ARID1B: variants seen among roughly 807,000 people sequenced by gnomAD.
ARID1B encodes AT-rich interaction domain 1B, also known as AT-rich interactive domain-containing protein 1B.
Under a neutral mutation model 212.3 loss-of-function variants are expected in ARID1B, and 30 were observed. That is an observed-to-expected ratio of 0.14 (90% CI 0.11 to 0.19). The LOEUF is 0.19. Among genes scored for constraint, ARID1B ranks in the 10% least tolerant of loss-of-function variants. The pLI is 1.00. For missense variants in ARID1B, 2,891 were observed against 3,204.0 expected, an observed-to-expected ratio of 0.90 and a Z score of 2.36; for synonymous variants, 1,402 against 1,301.7, an observed-to-expected ratio of 1.08 and a Z score of -1.66.
intron 1 of ARID1B, among the ~76,000 whole-genome samples, chr6:156,804,393 G>A (rs1302210333): frequency 6.6e-6 from 1 of 151,948 alleles, no homozygotes; most frequent in African/African-American, 2.4e-5. Context: ...ATAATTAGGG[G>A]CCAGATCATA....
At chr6:156,978,173 A>G (rs1483880838) in intron 4 of ARID1B, among the ~76,000 whole-genome samples, 1 of 152,156 alleles carries the variant, frequency 6.6e-6, no homozygotes, top group East Asian at 1.9e-4. Flanking sequence ...CCCTGAAAAC[A>G]CCATCCTCTT....
At chr6:157,138,227 G>A (rs1356456720) in intron 7 of ARID1B, among the ~76,000 whole-genome samples, 1 of 151,752 alleles carries the variant, frequency 6.6e-6, no homozygotes, top group Non-Finnish European at 1.5e-5. Context: ...TTGGTTGGTT[G>A]GTTGGTTGGT....
rs951144458 is a variant in ARID1B at position 157,190,339 on chromosome 6, C to G, written c.4231+129C>G. The G allele has an allele frequency of 1.8e-6, 2 of 1,114,118 alleles. No homozygotes were observed. Among genetic ancestry groups the G allele is most frequent in the African/African-American group, 3.1e-5 (2 of 63,640 alleles). The allele number at this position is 1,114,118 out of a possible 1,614,324, so 69.0% of individuals were successfully genotyped here. A position where few individuals can be genotyped will look rare whatever the true frequency, so the allele number is the denominator to read the frequency against. On this transcript the variant is annotated intron_variant, in intron 15 of 19. Transcript: ENST00000636930. The surrounding 1 kb of genome is among the most constrained non-coding windows in gnomAD (Gnocchi z 4.6). Reference sequence around the variant, plus strand: ...CTGCATCGGTGTGGGTCCCAGGTCCCCATCCTACTCCACTTGTGGCCTTGG... The same window carrying G: ...CTGCATCGGTGTGGGTCCCAGGTCCGCATCCTACTCCACTTGTGGCCTTGG...
intron 12 of ARID1B, 87 bp from the exon 13 acceptor site, chr6:157,184,144 A>C: frequency 8.0e-7 from 1 of 1,245,172 alleles, no homozygotes; most frequent in Non-Finnish European, 1.1e-6. Context: ...AGAAAAGTCA[A>C]CCAAGACATT....
upstream of ARID1B, chr6:156,776,354 T>C (rs1467605093): frequency 6.6e-6 from 1 of 152,212 alleles, no homozygotes; most frequent in East Asian, 1.9e-4. Context: ...ATTTCTACAT[T>C]AGGACTAGAG....
chr6:157,057,724 T>G (rs1783058301), intron 4 of ARID1B, among the ~76,000 whole-genome samples: 1 of 152,202 alleles, frequency 6.6e-6, no homozygotes, highest in African/African-American at 2.4e-5. Context: ...AGCCGAAAAT[T>G]TAAAAACGTA....
chr6:156,828,077 T>TTC (rs1782879722), intron 1 of ARID1B, among the ~76,000 whole-genome samples: 1 of 150,410 alleles, frequency 6.6e-6, no homozygotes, highest in Non-Finnish European at 1.5e-5. Flanking sequence ...TTTTTTTTTT[T>TTC]TTCAAGAGAC....
chr6:156,851,893 T>A (rs1220483626), intron 2 of ARID1B, among the ~76,000 whole-genome samples: 1 of 152,216 alleles, frequency 6.6e-6, no homozygotes, highest in Non-Finnish European at 1.5e-5. Context: ...CCCTGTGGAC[T>A]GTGGCTTGAA....
intron 7 of ARID1B, among the ~76,000 whole-genome samples, chr6:157,147,077 A>G (rs978792510): frequency 2.0e-5 from 3 of 152,084 alleles, no homozygotes; most frequent in African/African-American, 7.2e-5. Flanking sequence ...CCCAGCACAC[A>G]CTGTGGTTCA....
At chr6:156,914,022 C>T (rs1562481331) in intron 3 of ARID1B, among the ~76,000 whole-genome samples, 1 of 143,542 alleles carries the variant, frequency 7.0e-6, no homozygotes, top group Admixed American at 6.8e-5. Flanking sequence ...GCCCGTGGTG[C>T]CCCCATTCCA....
intron 4 of ARID1B, among the ~76,000 whole-genome samples, chr6:157,075,385 TA>T (rs1299606623): frequency 6.6e-6 from 1 of 152,224 alleles, no homozygotes; most frequent in African/African-American, 2.4e-5. Flanking sequence ...TCAGAAGTCT[TA>T]AAAATGATTT....
intron 2 of ARID1B, among the ~76,000 whole-genome samples, chr6:156,898,430 T>C (rs1021420034): frequency 6.6e-6 from 1 of 151,956 alleles, no homozygotes; most frequent in African/African-American, 2.4e-5. Context: ...GCTTGAGCGG[T>C]GAGCAGTGCC....
chr6:157,080,371 T>A (rs1562600554), intron 4 of ARID1B, among the ~76,000 whole-genome samples: 2 of 152,230 alleles, frequency 1.3e-5, no homozygotes, highest in Admixed American at 1.3e-4. Context: ...TAACTTACGC[T>A]AAATTGAATA....
At chr6:157,046,946 G>A (rs1019848456) in intron 4 of ARID1B, among the ~76,000 whole-genome samples, 4 of 152,148 alleles carry the variant, frequency 2.6e-5, no homozygotes, top group Non-Finnish European at 4.4e-5. Flanking sequence ...GTAAAGCTCA[G>A]CTAGAAGTTG....
intron 4 of ARID1B, among the ~76,000 whole-genome samples, chr6:156,976,636 G>C (rs1340427030): frequency 6.6e-6 from 1 of 152,086 alleles, no homozygotes; most frequent in African/African-American, 2.4e-5. Context: ...ACCCTTCTGG[G>C]TCCCCTTCCA....
At chr6:156,856,672 CCTCTCT>C (rs367924636) in intron 2 of ARID1B, among the ~76,000 whole-genome samples, 25 of 108,728 alleles carry the variant, frequency 2.3e-4, no homozygotes, top group South Asian at 3.2e-4. Flanking sequence ...GCATGCATAT[CCTCTCT>C]CTCTCTCTCT....
At chr6:156,883,122 T>C (rs1174424729) in intron 2 of ARID1B, among the ~76,000 whole-genome samples, 2 of 152,246 alleles carry the variant, frequency 1.3e-5, no homozygotes, top group East Asian at 3.8e-4. Context: ...AGGCTCCCCA[T>C]ACCGACAGCA....
chr6:157,031,214 A>C (rs1368265343), intron 4 of ARID1B, among the ~76,000 whole-genome samples: 1 of 152,206 alleles, frequency 6.6e-6, no homozygotes, highest in Non-Finnish European at 1.5e-5. Context: ...AAATTGTCAT[A>C]AATCCTGGAA....
At chr6:157,064,444 G>A (rs867761127) in intron 4 of ARID1B, among the ~76,000 whole-genome samples, 4 of 152,086 alleles carry the variant, frequency 2.6e-5, no homozygotes, top group African/African-American at 7.2e-5. Flanking sequence ...ATGATGATAC[G>A]GAAACATTCT....
Sources: gnomAD v4.1 joint callset for allele counts (sites outside exome capture counted in the v4.1 genomes callset) on GRCh38, gnomAD v4.1.1 for gene constraint, Gnocchi (gnomAD v3.1) non-coding constraint, MANE v1.5 for transcripts, NCBI Gene and HGNC (gene_info 2026-07-23, HGNC 2026-07-21) for gene names.